The following KANSL1 variants were observed in gnomAD, a reference collection of about 807,000 sequenced individuals.
KANSL1 encodes the protein KAT8 regulatory NSL complex subunit 1.
A neutral mutation model predicts 103.6 loss-of-function variants in KANSL1; 22 were observed. The observed-to-expected ratio is 0.21, with a 90% CI of 0.15 to 0.30. KANSL1 has a LOEUF of 0.30. Ranked by LOEUF, KANSL1 falls within the 10% of genes least tolerant of loss-of-function variation. The pLI is 1.00. For synonymous variants in KANSL1, 600 were observed against 527.6 expected (o/e 1.14, Z -1.88); for missense variants, 1,337 against 1,399.8 (o/e 0.96, Z 0.72).
chr17:46,058,727 ACACACACACACACACACTCTCTCTCTCT>A (rs1414943176), intron 6 of KANSL1, among the ~76,000 whole-genome samples: 7 of 72,770 alleles, frequency 9.6e-5, no homozygotes, highest in Non-Finnish European at 1.4e-4. Flanking sequence ...ACACACACAC[ACACACACACACACACACTCTCTCTCTCT>A]CTCTCTCTCT....
chr17:46,162,051 C>T (rs1017664594), intron 2 of KANSL1, among the ~76,000 whole-genome samples: 2 of 152,246 alleles, frequency 1.3e-5, no homozygotes, highest in African/African-American at 2.4e-5. Flanking sequence ...AAAGCCTTAA[C>T]TAATGAGAAT....
chr17:46,187,039 G>C (rs1265224471), intron 1 of KANSL1, among the ~76,000 whole-genome samples: 6 of 152,180 alleles, frequency 3.9e-5, no homozygotes, highest in Non-Finnish European at 8.8e-5. Context: ...GCCCAGGCTG[G>C]TATTTCTATG....
chr17:46,166,884 T>C (rs1012301187), intron 2 of KANSL1, among the ~76,000 whole-genome samples: 1 of 152,184 alleles, frequency 6.6e-6, no homozygotes, highest in Non-Finnish European at 1.5e-5. Flanking sequence ...CTGAGGTCTT[T>C]ATAAAGAAGG....
In KANSL1 at chr17:46,059,647, A is replaced by AAAAGAGAG. The variant is rs541946204; in HGVS notation, c.1848+6889_1848+6890insCTCTCTTT. Among the ~76,000 whole-genome samples the AAAAGAGAG allele has an allele frequency of 7.7e-3, 420 of 54,868 alleles. 5 individuals are homozygous for AAAAGAGAG. The highest frequency in any genetic ancestry group is 0.021 in the Admixed American group (81 of 3,938). The allele number at this position is 54,868 out of a possible 152,430, so 36.0% of individuals were successfully genotyped here. On this transcript the variant is annotated intron_variant, in intron 6 of 14. Coordinates refer to ENST00000432791, the MANE Select transcript of KANSL1 (RefSeq NM_015443.4). ...TGACTCCAAAAAAAAAAAAAAAAAA[A>AAAAGAGAG]AGAGAGAGAGAGAGAGAGAAAAGGA...
chr17:46,166,382 G>C (rs1567755421), intron 2 of KANSL1, among the ~76,000 whole-genome samples: 1 of 151,980 alleles, frequency 6.6e-6, no homozygotes, highest in South Asian at 2.1e-4. Flanking sequence ...CGTGGTGACA[G>C]GCACCTGTAA....
chr17:46,207,659 T>C lies in KANSL1; in HGVS notation c.-90+16012A>G, dbSNP rs1031442597. ...AATAGACATTTCTCCAAAGAAGATA[T>C]ATGAATGGCCAATAAGCACATGAAA... On this transcript the variant is annotated intron_variant, in intron 1 of 14. Coordinates refer to the KANSL1 transcript ENST00000572904. Among the ~76,000 whole-genome samples, 7 of 152,274 alleles carry C rather than the reference T, an allele frequency of 4.6e-5. 1 individual carries two copies. The highest frequency in any genetic ancestry group is 1.4e-4 in the African/African-American group (6 of 41,542).
chr17:46,032,009 C>T, intron 14 of KANSL1, 38 bp downstream of exon 14: 2 of 1,612,938 alleles, frequency 1.2e-6, no homozygotes, highest in Non-Finnish European at 1.7e-6. Flanking sequence ...TTCCATCCCC[C>T]AACCATGCCA....
At chr17:46,139,694 C>T (rs377240730) in intron 2 of KANSL1, among the ~76,000 whole-genome samples, 1 of 152,128 alleles carries the variant, frequency 6.6e-6, no homozygotes, top group Non-Finnish European at 1.5e-5. Context: ...AGGATTATTA[C>T]GTACATAAAA....
Position 46,038,574 on chromosome 17 carries a change from G to T in KANSL1, c.2505C>A (p.Pro835=). 1 of 1,614,134 alleles carries T rather than the reference G, an allele frequency of 6.2e-7. No individual in the cohort carries two copies. Among genetic ancestry groups the T allele is most frequent in the African/African-American group, 1.3e-5 (1 of 75,046 alleles). The change falls in exon 10 of 15, where the codon CCC becomes CCA. Residue 835 remains proline, a synonymous_variant. Transcript: ENST00000432791. ...CTGTAACCTGTGAGCTAGAGCTGGC[G>T]GGTGCAGGGGAATCTGAGGAGGTGG... ...QLSTSSDSPA[P]ASSSSQVTAS... is the part of the protein sequence containing the mutation.
chr17:46,210,912 G>A (rs1337432307), intron 1 of KANSL1, among the ~76,000 whole-genome samples: 2 of 152,208 alleles, frequency 1.3e-5, no homozygotes, highest in Non-Finnish European at 2.9e-5. Context: ...GCTCTAAGCA[G>A]TTCCCGTGTA....
intron 6 of KANSL1, among the ~76,000 whole-genome samples, chr17:46,055,082 C>T (rs74536520): frequency 0.047 from 7,137 of 151,894 alleles, 883 homozygotes; most frequent in East Asian, 0.42. Context: ...ATCTCCTGAC[C>T]TCGTGATCCG....
chr17:46,188,740 C>T (rs2047151707), intron 1 of KANSL1, among the ~76,000 whole-genome samples: 1 of 152,040 alleles, frequency 6.6e-6, no homozygotes, highest in African/African-American at 2.4e-5. Context: ...CTAAATAAGA[C>T]AAGCAAGGGG....
chr17:46,225,146 C>G (rs982220445), upstream of KANSL1, among the ~76,000 whole-genome samples: 5 of 152,118 alleles, frequency 3.3e-5, no homozygotes, highest in South Asian at 8.3e-4. Flanking sequence ...CCCTCTCCCC[C>G]AGCCCCGCCG....
At chr17:46,125,875 A>T (rs1041330503) in intron 2 of KANSL1, among the ~76,000 whole-genome samples, 3 of 152,236 alleles carry the variant, frequency 2.0e-5, no homozygotes, top group African/African-American at 7.2e-5. Context: ...AATACTAAAA[A>T]TAGTTACCTC....
chr17:46,039,229 C>A lies in KANSL1; in HGVS notation c.2204-14G>T, dbSNP rs774643084. 1.3e-6 allele frequency: 2 copies of A among 1,546,420 alleles called. No homozygotes were observed. The highest frequency in any genetic ancestry group is 2.3e-5 in the East Asian group (1 of 43,058). On this transcript the variant is annotated splice_polypyrimidine_tract_variant and intron_variant, in intron 8 of 14. Coordinates refer to ENST00000432791, the MANE Select transcript of KANSL1 (RefSeq NM_015443.4). ...GATGGGACAGCTCTGAAGAGGGGAA[C>A]AGAAAAAGAGCTGTGAAATATGTCC...
At chr17:46,110,949 C>T (rs1463136234) in intron 2 of KANSL1, among the ~76,000 whole-genome samples, 2 of 152,182 alleles carry the variant, frequency 1.3e-5, no homozygotes, top group East Asian at 1.9e-4. Context: ...AGGTATCAGG[C>T]ACTCAATGCA....
At chr17:46,053,531 A>G (rs2077802828) in intron 6 of KANSL1, among the ~76,000 whole-genome samples, 1 of 151,648 alleles carries the variant, frequency 6.6e-6, no homozygotes, top group Non-Finnish European at 1.5e-5. Context: ...TTCCAGGTTC[A>G]CACCATTCTC....
chr17:46,114,700 G>A (rs1443751055), intron 2 of KANSL1, among the ~76,000 whole-genome samples: 4 of 152,284 alleles, frequency 2.6e-5, no homozygotes, highest in African/African-American at 7.2e-5. Context: ...TGGCTAATTC[G>A]TAAACTAGAT....
intron 4 of KANSL1, among the ~76,000 whole-genome samples, chr17:46,068,033 A>C (rs2078445859): frequency 6.6e-6 from 1 of 152,170 alleles, no homozygotes; most frequent in South Asian, 2.1e-4. Flanking sequence ...TGAGGAATCC[A>C]AATGTACAGA....
Sources: allele counts gnomAD v4.1 joint callset (sites outside exome capture counted in the v4.1 genomes callset), GRCh38; gene constraint gnomAD v4.1.1; transcripts MANE v1.5; gene names NCBI Gene and HGNC (gene_info 2026-07-23, HGNC 2026-07-21).